The following TSPAN18 variants were observed in gnomAD, a reference collection of about 807,000 sequenced individuals.
TSPAN18 encodes tetraspanin-18.
A neutral mutation model predicts 27.3 loss-of-function variants in TSPAN18; 14 were observed. The ratio of observed to expected loss-of-function variants is 0.51; its 90% confidence interval spans 0.34 to 0.80. TSPAN18 has a LOEUF of 0.80. TSPAN18 is among the 30% of genes least tolerant of loss of function. TSPAN18 has a pLI of 0.01. For missense variants in TSPAN18, 268 were observed against 323.9 expected (o/e 0.83, Z 1.32); for synonymous variants, 143 against 136.5 (o/e 1.05, Z -0.33).
Position 44,730,624 on chromosome 11 carries a change from C to CT in TSPAN18, c.-240+3354dup, listed in dbSNP as rs1277542808. On this transcript the variant is annotated intron_variant, in intron 1 of 9. Transcript: ENST00000520358. The stretch of plus-strand genomic sequence containing the variant: ...GGGAGTGGGGGTGGATCATGAAACA[C>CT]TTTTTTTTTTTTTTTTTGAGAGACA... Among the ~76,000 whole-genome samples, 1,143 of 140,508 alleles carry CT rather than the reference C, an allele frequency of 8.1e-3. 8 individuals carry two copies. The highest frequency in any genetic ancestry group is 0.018 in the African/African-American group (686 of 38,384). The allele number at this position is 140,508 out of a possible 152,430, so 92.2% of individuals were successfully genotyped here. A position where few individuals can be genotyped will look rare whatever the true frequency, so the allele number is the denominator to read the frequency against.
At chr11:44,922,520 A>G (rs1860182004) in intron 8 of TSPAN18, among the ~76,000 whole-genome samples, 1 of 152,174 alleles carries the variant, frequency 6.6e-6, no homozygotes, top group Non-Finnish European at 1.5e-5. Context: ...GCAGGGATGC[A>G]TGGCGTGGCC....
chr11:44,862,286 C>A (rs1462548535), intron 3 of TSPAN18, among the ~76,000 whole-genome samples: 2 of 152,230 alleles, frequency 1.3e-5, no homozygotes, highest in Non-Finnish European at 2.9e-5. Flanking sequence ...TGTGTGATTT[C>A]ATTTGAGCAA....
intron 2 of TSPAN18, among the ~76,000 whole-genome samples, chr11:44,780,664 C>G (rs1486475403): frequency 6.6e-6 from 1 of 152,188 alleles, no homozygotes; most frequent in Non-Finnish European, 1.5e-5. Context: ...ACTTCCAGTC[C>G]TGGAATCCAG....
At chr11:44,857,460 A>G (rs992705510) in intron 2 of TSPAN18, among the ~76,000 whole-genome samples, 5 of 152,118 alleles carry the variant, frequency 3.3e-5, no homozygotes, top group African/African-American at 1.2e-4. Context: ...TGGCTTCCCT[A>G]CCTGCTGGCA....
chr11:44,918,122 C>G, intron 6 of TSPAN18, 76 bp downstream of exon 6: 1 of 1,473,536 alleles, frequency 6.8e-7, no homozygotes, highest in Non-Finnish European at 9.4e-7. Flanking sequence ...CTGGCTCCTC[C>G]CCTCCTTGAA....
At chr11:44,760,760 C>T (rs1855435667) in intron 1 of TSPAN18, among the ~76,000 whole-genome samples, 1 of 152,146 alleles carries the variant, frequency 6.6e-6, no homozygotes, top group East Asian at 1.9e-4. Context: ...TAGTTACTGC[C>T]ACCTATTAAG....
chr11:44,837,019 A>G (rs759313535), intron 2 of TSPAN18, among the ~76,000 whole-genome samples: 9 of 152,212 alleles, frequency 5.9e-5, no homozygotes, highest in Non-Finnish European at 1.2e-4. Context: ...GCTAAGACAC[A>G]TCTATTCTGC....
At chr11:44,852,135 G>A (rs1391168928) in intron 2 of TSPAN18, among the ~76,000 whole-genome samples, 1 of 152,188 alleles carries the variant, frequency 6.6e-6, no homozygotes, top group East Asian at 1.9e-4. Flanking sequence ...CCCATTGGTC[G>A]AGTACTGTAT....
intron 3 of TSPAN18, among the ~76,000 whole-genome samples, chr11:44,900,618 C>T (rs1385284282): frequency 7.2e-6 from 1 of 139,780 alleles, no homozygotes; most frequent in East Asian, 2.3e-4. Flanking sequence ...CCAGTGGTTA[C>T]TATTATTAGC....
intron 2 of TSPAN18, among the ~76,000 whole-genome samples, chr11:44,784,292 G>T (rs1297672962): frequency 6.6e-6 from 1 of 152,150 alleles, no homozygotes; most frequent in Non-Finnish European, 1.5e-5. Context: ...GACATATGAG[G>T]ACCAACCTGT....
intron 1 of TSPAN18, among the ~76,000 whole-genome samples, chr11:44,755,658 G>A (rs1021556628): frequency 1.1e-4 from 16 of 151,908 alleles, no homozygotes; most frequent in African/African-American, 3.4e-4. Flanking sequence ...CCCTGGCTTT[G>A]CTTTGGAGCC....
chr11:44,855,066 G>A (rs951226872), intron 2 of TSPAN18, among the ~76,000 whole-genome samples: 3 of 152,042 alleles, frequency 2.0e-5, no homozygotes, highest in Non-Finnish European at 2.9e-5. Context: ...TGAACTGCTG[G>A]GCATTGCAAT....
chr11:44,734,447 A>G (rs1038883870), intron 1 of TSPAN18, among the ~76,000 whole-genome samples: 1 of 152,228 alleles, frequency 6.6e-6, no homozygotes, highest in African/African-American at 2.4e-5. Flanking sequence ...TAGGAAAGCT[A>G]AAAAGCGAGT....
intron 3 of TSPAN18, among the ~76,000 whole-genome samples, chr11:44,861,236 C>G (rs1565181153): frequency 6.6e-6 from 1 of 152,076 alleles, no homozygotes; most frequent in Admixed American, 6.6e-5. Flanking sequence ...AGGAGAGCTT[C>G]TTTTTCCCAG....
intron 1 of TSPAN18, among the ~76,000 whole-genome samples, chr11:44,754,169 A>G (rs1316587683): frequency 6.6e-6 from 1 of 152,214 alleles, no homozygotes; most frequent in Non-Finnish European, 1.5e-5. Flanking sequence ...TTTCTGCATT[A>G]GAATATATTT....
At chr11:44,776,389 C>T (rs1855809073) in intron 2 of TSPAN18, among the ~76,000 whole-genome samples, 1 of 152,152 alleles carries the variant, frequency 6.6e-6, no homozygotes, top group Non-Finnish European at 1.5e-5. Context: ...GCTGGGAGAC[C>T]ATTAAGCTTC....
chr11:44,752,177 T>C (rs997322316), intron 1 of TSPAN18, among the ~76,000 whole-genome samples: 2 of 152,158 alleles, frequency 1.3e-5, no homozygotes, highest in Admixed American at 6.5e-5. Flanking sequence ...GATCTGACCT[T>C]CCAGGAAATC....
rs146759431 is a variant in TSPAN18, at chr11:44,898,802, G to A, written c.-10-7605G>A. 3.2e-3 allele frequency among the ~76,000 whole-genome samples: 490 copies of A among 152,322 alleles called. 6 individuals are homozygous for A. The highest frequency in any genetic ancestry group is 0.011 in the African/African-American group (439 of 41,574). On this transcript the variant is annotated intron_variant, in intron 3 of 9. Coordinates refer to ENST00000520358, the MANE Select transcript of TSPAN18 (RefSeq NM_130783.5). ...CATGAGGGCAGAACCCTTGAGATCC[G>A]ATCACCTCTTAAAGGCCCCACCTCT...
intron 3 of TSPAN18, among the ~76,000 whole-genome samples, chr11:44,883,258 A>G (rs1858545544): frequency 6.6e-6 from 1 of 152,184 alleles, no homozygotes. Context: ...GGCTCATCAA[A>G]TATTCAGACC....
Sources: allele counts gnomAD v4.1 joint callset (sites outside exome capture counted in the v4.1 genomes callset), GRCh38; gene constraint gnomAD v4.1.1; transcripts MANE v1.5; gene names NCBI Gene and HGNC (gene_info 2026-07-23, HGNC 2026-07-21).